EPB41: variants seen among roughly 807,000 people sequenced by gnomAD.
EPB41 encodes the protein erythrocyte membrane protein band 4.1.
Under a neutral mutation model 108.0 loss-of-function variants are expected in EPB41, and 65 were observed. The observed-to-expected ratio is 0.60, with a 90% CI of 0.49 to 0.74. EPB41 has a LOEUF of 0.74. Among genes scored for constraint, EPB41 ranks in the 30% least tolerant of loss-of-function variants. EPB41 has a pLI of 0.00. For missense variants in EPB41, 875 were observed against 1,037.0 expected, an observed-to-expected ratio of 0.84 and a Z score of 2.15; for synonymous variants, 336 against 358.9, an observed-to-expected ratio of 0.94 and a Z score of 0.72.
At chr1:28,910,477 C>T (rs1165129666), upstream of EPB41, among the ~76,000 whole-genome samples, 1 of 152,118 alleles carries the variant, frequency 6.6e-6, no homozygotes, top group African/African-American at 2.4e-5. Flanking sequence ...AATCTCTTGC[C>T]ACCCTCCACA....
intron 16 of EPB41, chr1:29,068,667 C>T: frequency 3.9e-6 from 4 of 1,015,518 alleles, no homozygotes; most frequent in Non-Finnish European, 5.1e-6. Context: ...ATACCTCTTC[C>T]ACCTTTGACG....
chr1:29,035,513 G>A (rs2150360277), intron 9 of EPB41, among the ~76,000 whole-genome samples: 1 of 151,756 alleles, frequency 6.6e-6, no homozygotes, highest in Middle Eastern at 3.4e-3. Context: ...AGCAGTGTCT[G>A]GACAATCAAG....
At position 29,097,887 on chromosome 1, in the gene EPB41, C is replaced by T; in HGVS notation, c.2265C>T (p.Val755=). 6.2e-7 allele frequency: 1 copy of T among 1,614,008 alleles called. No homozygotes were observed. Among genetic ancestry groups the T allele is most frequent in the East Asian group, 2.2e-5 (1 of 44,878 alleles). Residue 755 remains valine, a synonymous_variant, in exon 17 of 21, where the codon GTC becomes GTT. Coordinates refer to ENST00000343067, the MANE Select transcript of EPB41 (RefSeq NM_001376013.1). The part of the protein sequence containing the change: ...AVKSEIPTKD[V]PIVHTETKTI... ...AAAGTGAAATCCCAACCAAAGACGT[C>T]CCTATTGTCCACACTGAGACCAAGA...
Position 28,908,954 on chromosome 1 carries a change from G to C in EPB41, c.-8+21744G>C, listed in dbSNP as rs1343638193. Reference sequence around the variant, plus strand: ...GAGGCAGGCGGATCACCAGAGGTCAGGAGTTCAATACTAGCCTATCCCACA... The same window carrying C: ...GAGGCAGGCGGATCACCAGAGGTCACGAGTTCAATACTAGCCTATCCCACA... On this transcript the variant is annotated intron_variant, in intron 1 of 16. Coordinates refer to the EPB41 transcript ENST00000347529. Among the ~76,000 whole-genome samples, 3 of 151,370 alleles carry C rather than the reference G, an allele frequency of 2.0e-5. No homozygotes were observed. In the East Asian group the frequency reaches 5.9e-4, roughly 30 times the overall value.
Position 28,887,334 on chromosome 1 carries a change from A to C in EPB41, c.-8+124A>C. Reference sequence around the variant, plus strand: ...AGGCGAGACCAGGGTCGAAGGGTCCAGGGCTGAGGGGTCCAGCGGTCCCGA... The same window carrying C: ...AGGCGAGACCAGGGTCGAAGGGTCCCGGGCTGAGGGGTCCAGCGGTCCCGA... On this transcript the variant is annotated intron_variant, in intron 1 of 16. Transcript: ENST00000347529. The surrounding 1 kb of genome is among the most constrained non-coding windows in gnomAD (Gnocchi z 4.9). 1.2e-5 allele frequency: 14 copies of C among 1,168,846 alleles called. No individual in the cohort carries two copies. The South Asian group carries it at 2.1e-4, about 18-fold the overall frequency. 72.4% of individuals were successfully genotyped at this position (1,168,846 alleles called of 1,614,324 possible).
intron 16 of EPB41, among the ~76,000 whole-genome samples, chr1:29,082,730 A>G (rs189229860): frequency 1.8e-3 from 269 of 152,214 alleles, no homozygotes; most frequent in African/African-American, 6.3e-3. Flanking sequence ...ATTTGAGAAC[A>G]CTCATTTGAT....
chr1:29,100,313 C>T (rs12043643), intron 17 of EPB41, among the ~76,000 whole-genome samples: 3 of 75,662 alleles, frequency 4.0e-5, no homozygotes, highest in African/African-American at 9.8e-5. Flanking sequence ...TACTAAAATA[C>T]AAAAAAATTA....
chr1:29,024,426 G>A (rs2096690337), intron 7 of EPB41, among the ~76,000 whole-genome samples: 2 of 151,710 alleles, frequency 1.3e-5, no homozygotes, highest in Admixed American at 6.6e-5. Flanking sequence ...GAGGTCAGGA[G>A]TTCAAGACCA....
At chr1:29,104,302 G>A (rs1414852818) in intron 17 of EPB41, among the ~76,000 whole-genome samples, 1 of 152,150 alleles carries the variant, frequency 6.6e-6, no homozygotes. Context: ...GTAAGCCGGA[G>A]CACCATTTTT....
At chr1:29,028,447 C>A (rs1164276080) in intron 7 of EPB41, among the ~76,000 whole-genome samples, 1 of 152,156 alleles carries the variant, frequency 6.6e-6, no homozygotes, top group Non-Finnish European at 1.5e-5. Flanking sequence ...ATTTCGATCC[C>A]AATAGTAACA....
chr1:29,024,011 A>T (rs1206903774), intron 7 of EPB41, among the ~76,000 whole-genome samples: 1 of 152,054 alleles, frequency 6.6e-6, no homozygotes, highest in East Asian at 1.9e-4. Flanking sequence ...CAATGACAGT[A>T]TATAGTGAGA....
chr1:28,984,314 G>A (rs924914304), intron 1 of EPB41, among the ~76,000 whole-genome samples: 9 of 152,146 alleles, frequency 5.9e-5, no homozygotes, highest in Non-Finnish European at 1.2e-4. Context: ...GTAGGGTTTC[G>A]TCAGAGACCC....
chr1:29,013,868 A>C (rs2096543206), intron 5 of EPB41, among the ~76,000 whole-genome samples: 1 of 148,216 alleles, frequency 6.7e-6, no homozygotes, highest in South Asian at 2.1e-4. Flanking sequence ...TCACACAAGT[A>C]ATATATACCC....
At chr1:29,064,700 G>A (rs1647046522) in intron 15 of EPB41, among the ~76,000 whole-genome samples, 1 of 152,108 alleles carries the variant, frequency 6.6e-6, no homozygotes, top group East Asian at 1.9e-4. Context: ...ATAATGGGAA[G>A]AAGAATCATA....
chr1:29,102,688 A>G (rs1367877742), intron 17 of EPB41, among the ~76,000 whole-genome samples: 1 of 152,106 alleles, frequency 6.6e-6, no homozygotes, highest in Non-Finnish European at 1.5e-5. Context: ...CCCGAGTTCA[A>G]GTGATTCTCG....
At position 28,887,233 on chromosome 1, in the gene EPB41, G is replaced by A. The variant is rs751215610; in HGVS notation, c.-8+23G>A. The A allele has an allele frequency of 2.3e-6, 3 of 1,280,666 alleles. No individual in the cohort carries two copies. The highest frequency in any genetic ancestry group is 2.5e-5 in the South Asian group (2 of 80,602). 79.3% of individuals were successfully genotyped at this position (1,280,666 alleles called of 1,614,324 possible). A position where few individuals can be genotyped will look rare whatever the true frequency, so the allele number is the denominator to read the frequency against. On this transcript the variant is annotated intron_variant, in intron 1 of 16. Coordinates refer to the EPB41 transcript ENST00000347529. The surrounding 1 kb of genome is among the most constrained non-coding windows in gnomAD (Gnocchi z 4.9). ...CAGGTGAGCCTGGACCACCTGGGGG[G>A]CGACCCTCGGTCCCCGGGAGGGACG...
chr1:29,104,912 C>T (rs1255408712), intron 17 of EPB41, among the ~76,000 whole-genome samples: 2 of 151,522 alleles, frequency 1.3e-5, no homozygotes, highest in Admixed American at 6.6e-5. Flanking sequence ...TTTGTACACA[C>T]GGGACTCACT....
At chr1:29,044,564 G>C (rs188757419) in intron 11 of EPB41, among the ~76,000 whole-genome samples, 1 of 152,232 alleles carries the variant, frequency 6.6e-6, no homozygotes, top group African/African-American at 2.4e-5. Flanking sequence ...AATATTGGCT[G>C]GATGTGGTGG....
intron 1 of EPB41, among the ~76,000 whole-genome samples, chr1:28,956,191 C>G (rs945714252): frequency 6.6e-6 from 1 of 152,168 alleles, no homozygotes; most frequent in East Asian, 1.9e-4. Flanking sequence ...TCCTAATTCG[C>G]TAGGAACACA....
Sources: allele counts gnomAD v4.1 joint callset (sites outside exome capture counted in the v4.1 genomes callset), GRCh38; gene constraint gnomAD v4.1.1; non-coding constraint Gnocchi (gnomAD v3.1); transcripts MANE v1.5; gene names NCBI Gene and HGNC (gene_info 2026-07-23, HGNC 2026-07-21).